Variants in AKAP13 observed in about 807,000 individuals in gnomAD.
AKAP13 encodes the protein A-kinase anchoring protein 13.
In AKAP13, 80 loss-of-function variants were observed where a neutral mutation model predicts 264.5. The observed-to-expected ratio is 0.30, with a 90% confidence interval of 0.25 to 0.36. AKAP13 has a LOEUF of 0.36. AKAP13 is among the 10% of genes least tolerant of loss of function. The pLI, the probability that AKAP13 is intolerant of heterozygous loss-of-function variation, is 1.00. For synonymous variants in AKAP13, 1,380 were observed against 1,250.2 expected, an observed-to-expected ratio of 1.10 and a Z score of -2.19; for missense variants, 3,712 against 3,435.2, an observed-to-expected ratio of 1.08 and a Z score of -2.01.
chr15:85,726,973 T>TAA, intron 27 of AKAP13, 93 bp from the exon 28 acceptor site: 4 of 1,398,902 alleles, frequency 2.9e-6, no homozygotes, highest in Non-Finnish European at 3.9e-6. Flanking sequence ...TGTGCTTTTT[T>TAA]AACAGCATCT....
At chr15:85,630,209 A>ACACAC (rs71141412) in intron 8 of AKAP13, among the ~76,000 whole-genome samples, 5 of 30,496 alleles carry the variant, frequency 1.6e-4, no homozygotes, top group Admixed American at 2.9e-4. Context: ...ACACACACAC[A>ACACAC]TCATGAACTA....
chr15:85,645,662 AT>A (rs1191220878), intron 9 of AKAP13, among the ~76,000 whole-genome samples, 155 bp from the exon 10 acceptor site: 1 of 152,150 alleles, frequency 6.6e-6, no homozygotes, highest in African/African-American at 2.4e-5. Context: ...TAGCTTCTTA[AT>A]TTTGAAAAAA....
At chr15:85,495,686 T>G (rs1415907014) in intron 2 of AKAP13, among the ~76,000 whole-genome samples, 1 of 152,196 alleles carries the variant, frequency 6.6e-6, no homozygotes, top group Non-Finnish European at 1.5e-5. Flanking sequence ...GCCATATGTT[T>G]GGGATAAAAC....
rs180871188 is a variant in AKAP13 at position 85,593,086 on chromosome 15, G to T, written c.4161+7263G>T. ...GCACTTCGGGAGGCTGAGGCAGGTG[G>T]ATCACATGAGGCCAGGAGTTCGAGA... On this transcript the variant is annotated intron_variant, in intron 8 of 36. Transcript: ENST00000394518. Among the ~76,000 whole-genome samples, 616 of 152,220 alleles carry T rather than the reference G, an allele frequency of 4.0e-3. 5 individuals are homozygous for T. The highest frequency in any genetic ancestry group is 0.014 in the African/African-American group (572 of 41,536).
chr15:85,502,471 T>C (rs760619725), intron 2 of AKAP13, among the ~76,000 whole-genome samples: 67 of 152,262 alleles, frequency 4.4e-4, no homozygotes, highest in Admixed American at 1.3e-4. Context: ...GCTCAGTTAA[T>C]ATTCCTGCAC....
At chr15:85,502,329 A>T (rs1355402910) in intron 2 of AKAP13, among the ~76,000 whole-genome samples, 1 of 152,218 alleles carries the variant, frequency 6.6e-6, no homozygotes, top group East Asian at 1.9e-4. Context: ...TTAGAAAGTG[A>T]CAGCAATATT....
chr15:85,437,414 C>T (rs1414030042), intron 1 of AKAP13, among the ~76,000 whole-genome samples: 1 of 152,094 alleles, frequency 6.6e-6, no homozygotes, highest in Admixed American at 6.6e-5. Flanking sequence ...GGTACCATTC[C>T]TTCTGAAACT....
chr15:85,678,794 G>C (rs921726812), intron 14 of AKAP13, among the ~76,000 whole-genome samples: 1 of 151,904 alleles, frequency 6.6e-6, no homozygotes, highest in African/African-American at 2.4e-5. Context: ...ACTTGAACCT[G>C]GGAGGCAGAT....
chr15:85,681,138 G>T (rs1037840937), intron 14 of AKAP13, among the ~76,000 whole-genome samples: 1 of 152,106 alleles, frequency 6.6e-6, no homozygotes, highest in African/African-American at 2.4e-5. Context: ...TAGTCTGGTA[G>T]TAGAACATCT....
intron 5 of AKAP13, 27 bp from the exon 6 acceptor site, chr15:85,575,104 A>C: frequency 6.2e-7 from 1 of 1,607,362 alleles, no homozygotes; most frequent in Non-Finnish European, 8.5e-7. Context: ...GAATGTATAT[A>C]TATTAACCAG....
chr15:85,487,579 T>C (rs903044815), intron 2 of AKAP13, among the ~76,000 whole-genome samples: 10 of 152,238 alleles, frequency 6.6e-5, no homozygotes, highest in African/African-American at 2.2e-4. Flanking sequence ...TTTTATTTAT[T>C]TATGGAGATG....
At chr15:85,442,449 T>A (rs2073704396) in intron 1 of AKAP13, among the ~76,000 whole-genome samples, 1 of 122,968 alleles carries the variant, frequency 8.1e-6, no homozygotes, top group Non-Finnish European at 1.7e-5. Context: ...ATATAAAATA[T>A]ACATATATAA....
At chr15:85,684,902 A>T in intron 16 of AKAP13, 29 bp downstream of exon 16, 1 of 1,611,070 alleles carries the variant, frequency 6.2e-7, no homozygotes, top group Non-Finnish European at 8.5e-7. Context: ...ATTGCTTGTG[A>T]TCACCTCAGT....
rs748723114 is a variant in AKAP13, at chr15:85,719,092, G to A, written c.6018G>A (p.Glu2006=). 1.9e-6 allele frequency: 3 copies of A among 1,613,942 alleles called. No homozygotes were observed. The highest frequency in any genetic ancestry group is 2.5e-6 in the Non-Finnish European group (3 of 1,180,024). ...TCCTTTTAGAGTTGATGCAGACAGA[G>A]TTTCATCATGTCCGCACTCTCAAGA... ...QEVIYELMQT[E]FHHVRTLKIM... The change falls in exon 23 of 37, where the codon GAG becomes GAA. Residue 2006 remains glutamate (E), a synonymous_variant. Transcript: ENST00000394518.
At chr15:85,568,692 A>G (rs926477206) in intron 5 of AKAP13, among the ~76,000 whole-genome samples, 1 of 152,194 alleles carries the variant, frequency 6.6e-6, no homozygotes, top group Admixed American at 6.5e-5. Flanking sequence ...ATATATCTAT[A>G]CAGTAGAGAT....
At chr15:85,531,811 G>T (rs2077251372) in intron 3 of AKAP13, among the ~76,000 whole-genome samples, 1 of 152,122 alleles carries the variant, frequency 6.6e-6, no homozygotes, top group Non-Finnish European at 1.5e-5. Context: ...TATCTTCATG[G>T]TTCATGAACC....
rs1488145619 is a variant in AKAP13 at position 85,620,114 on chromosome 15, G to A, written c.4162-19260G>A. On this transcript the variant is annotated intron_variant, in intron 8 of 36. Coordinates refer to ENST00000394518, the MANE Select transcript of AKAP13 (RefSeq NM_007200.5). Reference sequence around the variant, plus strand: ...AAAATGTATGAACGGCACAAGAGGCGCTACAGCCTCTGTGACATCTCCAAG... The same window carrying A: ...AAAATGTATGAACGGCACAAGAGGCACTACAGCCTCTGTGACATCTCCAAG... 13 of 1,535,972 alleles carry A rather than the reference G, an allele frequency of 8.5e-6. No homozygotes were observed. The East Asian group carries it at 2.4e-4, about 29-fold the overall frequency.
At chr15:85,569,024 G>T (rs568862170) in intron 5 of AKAP13, among the ~76,000 whole-genome samples, 2 of 152,188 alleles carry the variant, frequency 1.3e-5, no homozygotes, top group Non-Finnish European at 2.9e-5. Context: ...TTGCAAACAC[G>T]AAGTCAACAT....
chr15:85,480,724 GT>G (rs1269906038), intron 1 of AKAP13: 1 of 151,966 alleles, frequency 6.6e-6, no homozygotes, highest in East Asian at 1.9e-4. Flanking sequence ...TTTCTCTCTT[GT>G]TGCCCAGGCT....
Sources: allele counts gnomAD v4.1 joint callset (sites outside exome capture counted in the v4.1 genomes callset), GRCh38; gene constraint gnomAD v4.1.1; transcripts MANE v1.5; gene names NCBI Gene and HGNC (gene_info 2026-07-23, HGNC 2026-07-21).